Variants in CCAR2 observed in about 807,000 individuals in gnomAD.
CCAR2 encodes the protein cell cycle and apoptosis regulator protein 2.
In CCAR2, 21 loss-of-function variants were observed where a neutral mutation model predicts 108.1. The ratio of observed to expected loss-of-function variants is 0.19; its 90% CI spans 0.14 to 0.28. The LOEUF (loss-of-function observed/expected upper bound fraction) is 0.28. Ranked by LOEUF, CCAR2 falls within the 10% of genes least tolerant of loss-of-function variation. The pLI is 1.00. For synonymous variants in CCAR2, 577 were observed against 472.8 expected, an observed-to-expected ratio of 1.22 and a Z score of -2.86; for missense variants, 1,126 against 1,177.0, an observed-to-expected ratio of 0.96 and a Z score of 0.63.
At chr8:22,610,812 C>A (rs1029675708) in intron 7 of CCAR2, among the ~76,000 whole-genome samples, 11 of 152,216 alleles carry the variant, frequency 7.2e-5, no homozygotes, top group African/African-American at 2.7e-4. Context: ...CTCAGTTACC[C>A]AGGCACAGAG....
At chr8:22,607,831 C>T (rs1287177459) in intron 6 of CCAR2, 138 bp from the exon 7 acceptor site, 22 of 662,826 alleles carry the variant, frequency 3.3e-5, no homozygotes, top group South Asian at 5.9e-5. Context: ...TCACCATGTT[C>T]GCCAGGCTAG....
intron 18 of CCAR2, 35 bp downstream of exon 18, chr8:22,618,763 C>T (rs751668605): frequency 2.4e-5 from 38 of 1,613,266 alleles, no homozygotes; most frequent in South Asian, 9.9e-5. Flanking sequence ...TCCTGGGGCA[C>T]GGGCAGGGCA....
intron 16 of CCAR2, chr8:22,618,059 G>A (rs1801595549): frequency 3.4e-6 from 2 of 591,478 alleles, no homozygotes; most frequent in Non-Finnish European, 6.0e-6. Flanking sequence ...GCTTGGGCGT[G>A]ATGAACATCA....
intron 17 of CCAR2, 27 bp downstream of exon 17, chr8:22,618,522 A>G (rs755907527): frequency 5.6e-6 from 9 of 1,614,054 alleles, no homozygotes; most frequent in South Asian, 5.5e-5. Context: ...GCCCCAGCAC[A>G]TGGGCACAGG....
intron 7 of CCAR2, among the ~76,000 whole-genome samples, chr8:22,611,304 T>C (rs1801264478): frequency 6.9e-6 from 1 of 145,778 alleles, no homozygotes; most frequent in South Asian, 2.1e-4. Flanking sequence ...GAAGTTGCAG[T>C]GAGCTGAGAT....
At chr8:22,612,791 TAC>T in intron 7 of CCAR2, 1 of 424,454 alleles carries the variant, frequency 2.4e-6, no homozygotes, top group Non-Finnish European at 4.1e-6. Flanking sequence ...CTACTGTGTA[TAC>T]AATGTTGCAG....
chr8:22,605,919 C>T, intron 2 of CCAR2, 88 bp downstream of exon 2: 4 of 1,393,582 alleles, frequency 2.9e-6, no homozygotes, highest in Non-Finnish European at 2.0e-6. Flanking sequence ...GAGCAATTTG[C>T]TGCTGATGTT....
chr8:22,615,698 A>C lies in CCAR2; in HGVS notation c.1394A>C (p.Glu465Ala). Residue 465 changes from glutamate to alanine, a missense_variant, in exon 13 of 21, where the codon GAA (glutamate) becomes GCA (alanine). Coordinates refer to ENST00000308511, the MANE Select transcript of CCAR2 (RefSeq NM_001393997.1). Reference protein sequence around the residue: ...QEAQGETEPTEQAPDALEQAA... With the variant: ...QEAQGETEPTAQAPDALEQAA... ...TTGTCACAGGAAACGGAGCCTACTGAACAGGCACCTGATGCCTTGGAGCAA... is the reference window on the plus strand; with the variant it reads ...TTGTCACAGGAAACGGAGCCTACTGCACAGGCACCTGATGCCTTGGAGCAA... 1 of 1,613,776 alleles carries C rather than the reference A, an allele frequency of 6.2e-7. No homozygotes were observed. The highest frequency in any genetic ancestry group is 1.3e-5 in the African/African-American group (1 of 75,020).
At chr8:22,615,956 G>C in intron 13 of CCAR2, 44 bp downstream of exon 13, 1 of 1,612,732 alleles carries the variant, frequency 6.2e-7, no homozygotes, top group Middle Eastern at 1.7e-4. Context: ...TGGGATTTGT[G>C]GGCCTGAAGC....
chr8:22,615,849 T>G lies in CCAR2; in HGVS notation c.1545T>G (p.Cys515Trp), dbSNP rs1451997822. 6.2e-7 allele frequency: 1 copy of G among 1,614,022 alleles called. No individual in the cohort carries two copies. ...CTGCTGTCATCGCACGCCCTGGCTG[T>G]GTAAACCTGTCCCTCCATGGGATTG... ...LEPAVIARPG[C>W]VNLSLHGIVE... The change falls in exon 13 of 21, where the codon TGT (cysteine) becomes TGG (tryptophan). Residue 515 changes from cysteine (C) to tryptophan (W), a missense_variant. Around this residue, in one of 4 missense-constraint regions of CCAR2, gnomAD observed 1,013 missense variants for 993.9 expected, o/e 1.02. Transcript: ENST00000308511.
rs1317219856 is a variant in CCAR2 at position 22,615,455 on chromosome 8, G to A, written c.1236G>A (p.Gln412=). The change falls in exon 12 of 21, where the codon CAG becomes CAA. Residue 412 remains glutamine, a synonymous_variant. Coordinates refer to ENST00000308511, the MANE Select transcript of CCAR2 (RefSeq NM_001393997.1). The stretch of plus-strand genomic sequence containing the variant: ...GCTTTGCCGAGTTTCAGTACCTGCA[G>A]CCGGGACCCCCCCGGCGGCTTCAGA... The part of the protein sequence containing the change: ...WWRFAEFQYL[Q]PGPPRRLQTV... 1 of 1,613,874 alleles carries A rather than the reference G, an allele frequency of 6.2e-7. No homozygotes were observed. Among genetic ancestry groups the A allele is most frequent in the Non-Finnish European group, 8.5e-7 (1 of 1,179,990 alleles).
intron 3 of CCAR2, 117 bp downstream of exon 3, chr8:22,606,293 T>C (rs2117409946): frequency 1.1e-6 from 1 of 906,290 alleles, no homozygotes; most frequent in Non-Finnish European, 1.8e-6. Flanking sequence ...CTCCTGGTAG[T>C]GGGCTAGTAT....
chr8:22,607,267 A>C lies in CCAR2; in HGVS notation c.429A>C (p.Gly143=). Residue 143 remains glycine (G), a synonymous_variant, in exon 6 of 21, where the codon GGA becomes GGC. Coordinates refer to ENST00000308511, the MANE Select transcript of CCAR2 (RefSeq NM_001393997.1). The part of the protein sequence containing the change: ...AALGQKQGIL[G]AQPQLIFQPH... Reference sequence around the variant, plus strand: ...TGGGCCAGAAGCAAGGGATCCTGGGAGCTCAGCCTCAGTTGATCTTCCAGC... The same window carrying C: ...TGGGCCAGAAGCAAGGGATCCTGGGCGCTCAGCCTCAGTTGATCTTCCAGC... The C allele has an allele frequency of 6.2e-7, 1 of 1,613,852 alleles. No individual in the cohort carries two copies. Among genetic ancestry groups the C allele is most frequent in the Non-Finnish European group, 8.5e-7 (1 of 1,180,030 alleles).
intron 7 of CCAR2, 81 bp downstream of exon 7, chr8:22,608,146 C>G (rs1801150927): frequency 8.5e-7 from 1 of 1,178,406 alleles, no homozygotes; most frequent in Non-Finnish European, 1.2e-6. Context: ...TTTGTGTTGG[C>G]CAGGAAGTGA....
chr8:22,621,363 A>G (rs1035564550), downstream of CCAR2: 2 of 1,558,392 alleles, frequency 1.3e-6, no homozygotes, highest in African/African-American at 2.7e-5. Flanking sequence ...TAGCCCTGAG[A>G]AGGGCAAGGA....
At chr8:22,610,170 G>C (rs1253664226) in intron 7 of CCAR2, among the ~76,000 whole-genome samples, 2 of 152,194 alleles carry the variant, frequency 1.3e-5, no homozygotes. Flanking sequence ...TCAGTAGAGA[G>C]AATGTGCAGA....
At position 22,619,365 on chromosome 8, in the gene CCAR2, G is replaced by T. The variant is rs1801662309; in HGVS notation, c.2727+10G>T. 6.4e-7 allele frequency: 1 copy of T among 1,553,582 alleles called. No individual in the cohort carries two copies. ...GCGGGTGGTGGAAAAGGTAAGGTGG[G>T]GGTGGACCAGGAGGCAGCACAGCTC... On this transcript the variant is annotated intron_variant, in intron 20 of 20. Coordinates refer to ENST00000308511, the MANE Select transcript of CCAR2 (RefSeq NM_001393997.1).
chr8:22,619,592 T>G (rs1190502551), intron 20 of CCAR2, 46 bp from the exon 21 acceptor site: 1 of 1,548,194 alleles, frequency 6.5e-7, no homozygotes, highest in East Asian at 2.4e-5. Context: ...AGTCCTCAGA[T>G]CACCTTGCCA....
At chr8:22,604,980 C>G (rs536188377) in intron 1 of CCAR2, 138 bp downstream of exon 1, 2 of 317,984 alleles carry the variant, frequency 6.3e-6, no homozygotes, top group Non-Finnish European at 1.2e-5. Flanking sequence ...CTGCAAGTCC[C>G]GTCTCCCTGG....
Sources: gnomAD v4.1 joint callset for allele counts (sites outside exome capture counted in the v4.1 genomes callset) on GRCh38, gnomAD v4.1.1 for gene constraint, gnomAD v4.1.1 regional missense constraint, MANE v1.5 for transcripts, NCBI Gene and HGNC (gene_info 2026-07-23, HGNC 2026-07-21) for gene names.